Variants in PPP3R1 observed in about 807,000 individuals in gnomAD.
The protein encoded by PPP3R1 is protein phosphatase 3 regulatory subunit B, alpha.
Under a neutral mutation model 22.6 loss-of-function variants are expected in PPP3R1, and 5 were observed. The observed-to-expected ratio is 0.22, with a 90% CI of 0.12 to 0.46. The LOEUF (loss-of-function observed/expected upper bound fraction) is 0.46, where lower values mean the gene tolerates loss of function less well. Ranked by LOEUF, PPP3R1 falls within the 20% of genes least tolerant of loss-of-function variation. The probability of loss-of-function intolerance (pLI) is 0.99; values close to 1 mark genes in which losing one functional copy is unlikely to be tolerated. For missense variants in PPP3R1, 61 were observed against 203.2 expected (o/e 0.30, Z 4.25); for synonymous variants, 56 against 65.2 (o/e 0.86, Z 0.68).
intron 2 of PPP3R1, among the ~76,000 whole-genome samples, chr2:68,201,402 C>T (rs554904278): frequency 1.3e-5 from 2 of 152,202 alleles, no homozygotes; most frequent in Non-Finnish European, 2.9e-5. Flanking sequence ...ACTGCATCCC[C>T]CAGTTTCTTT....
chr2:68,223,059 A>G (rs1669715644), intron 1 of PPP3R1, among the ~76,000 whole-genome samples: 1 of 152,206 alleles, frequency 6.6e-6, no homozygotes, highest in African/African-American at 2.4e-5. Context: ...CATTTTATGA[A>G]GCCAGCACTA....
intron 2 of PPP3R1, among the ~76,000 whole-genome samples, chr2:68,201,749 C>CATTT (rs1219075173): frequency 6.6e-6 from 1 of 152,160 alleles, no homozygotes; most frequent in Non-Finnish European, 1.5e-5. Context: ...TTTGAGTGAT[C>CATTT]ATTTGGCTGT....
intron 2 of PPP3R1, among the ~76,000 whole-genome samples, chr2:68,211,284 G>A (rs1182743803): frequency 6.6e-6 from 1 of 151,444 alleles, no homozygotes; most frequent in Non-Finnish European, 1.5e-5. Context: ...GCGGGCGCCT[G>A]TAGTCCCAGC....
intron 1 of PPP3R1, among the ~76,000 whole-genome samples, chr2:68,240,456 T>C (rs1572977592): frequency 6.6e-6 from 1 of 152,190 alleles, no homozygotes; most frequent in African/African-American, 2.4e-5. Context: ...ACAGACAAGA[T>C]GCCCATTCTC....
intron 1 of PPP3R1, among the ~76,000 whole-genome samples, chr2:68,232,223 A>ATGTGTGTGTG (rs76815812): frequency 2.2e-5 from 1 of 45,758 alleles, no homozygotes; most frequent in Admixed American, 2.1e-4. Flanking sequence ...ATATGTATAT[A>ATGTGTGTGTG]TGTGTGTGTG....
intron 2 of PPP3R1, among the ~76,000 whole-genome samples, chr2:68,208,110 G>A (rs1265926836): frequency 6.6e-6 from 1 of 152,158 alleles, no homozygotes; most frequent in Non-Finnish European, 1.5e-5. Flanking sequence ...CCGAGACCAC[G>A]CCATTGCACT....
intron 5 of PPP3R1, among the ~76,000 whole-genome samples, chr2:68,184,708 G>C (rs1462018270): frequency 2.0e-5 from 3 of 152,110 alleles, no homozygotes; most frequent in African/African-American, 4.8e-5. Flanking sequence ...TCAATGTTTA[G>C]AAAAGTTGGT....
intron 1 of PPP3R1, among the ~76,000 whole-genome samples, chr2:68,240,234 C>T (rs1670093376): frequency 6.6e-6 from 1 of 152,172 alleles, no homozygotes; most frequent in Admixed American, 6.5e-5. Flanking sequence ...ATAAGACAAA[C>T]GACCTGTAAC....
chr2:68,234,619 T>A (rs1669980386), intron 1 of PPP3R1, among the ~76,000 whole-genome samples: 1 of 152,176 alleles, frequency 6.6e-6, no homozygotes, highest in Non-Finnish European at 1.5e-5. Flanking sequence ...GCAGTCACAA[T>A]CGCAGAAACA....
chr2:68,227,131 A>G (rs1669798097), intron 1 of PPP3R1, among the ~76,000 whole-genome samples: 1 of 152,056 alleles, frequency 6.6e-6, no homozygotes, highest in South Asian at 2.1e-4. Context: ...TTATTCTTTC[A>G]AACCTTGTCA....
At chr2:68,203,537 G>A (rs1675031063) in intron 2 of PPP3R1, among the ~76,000 whole-genome samples, 1 of 151,638 alleles carries the variant, frequency 6.6e-6, no homozygotes, top group Admixed American at 6.6e-5. Flanking sequence ...GGAGGCAGAG[G>A]TTGCAGTGTG....
chr2:68,198,435 G>GTA (rs200606871), intron 2 of PPP3R1, among the ~76,000 whole-genome samples: 6,240 of 73,240 alleles, frequency 0.085, 932 homozygotes, highest in African/African-American at 0.23. Flanking sequence ...GTATATATGC[G>GTA]TGTGTATATA....
chr2:68,186,441 CG>C (rs755955703), intron 5 of PPP3R1, 26 bp downstream of exon 5: 3 of 1,560,490 alleles, frequency 1.9e-6, no homozygotes, highest in Admixed American at 1.9e-5. Flanking sequence ...ACATAACTAA[CG>C]GAAGAACCAG....
chr2:68,222,296 G>A (rs964867973), intron 1 of PPP3R1, among the ~76,000 whole-genome samples: 7 of 152,080 alleles, frequency 4.6e-5, no homozygotes, highest in African/African-American at 1.2e-4. Flanking sequence ...GTAAACTCTA[G>A]AACAACTTAA....
At chr2:68,211,390 G>A (rs1176340222) in intron 2 of PPP3R1, among the ~76,000 whole-genome samples, 7 of 121,052 alleles carry the variant, frequency 5.8e-5, no homozygotes, top group African/African-American at 1.9e-4. Context: ...CTGGGCGACT[G>A]AGCGAGACTC....
chr2:68,182,570 C>T (rs1010430337), intron 5 of PPP3R1, among the ~76,000 whole-genome samples: 4 of 151,428 alleles, frequency 2.6e-5, no homozygotes, highest in African/African-American at 9.7e-5. Context: ...AATCCCAGCA[C>T]TTTGGGAGGC....
At chr2:68,214,332 C>CA in intron 2 of PPP3R1, among the ~76,000 whole-genome samples, 2 of 152,194 alleles carry the variant, frequency 1.3e-5, no homozygotes, top group Middle Eastern at 6.8e-3. Flanking sequence ...AAACTATCAA[C>CA]AGAGTAAAAC....
intron 1 of PPP3R1, among the ~76,000 whole-genome samples, chr2:68,250,595 G>T (rs541170250): frequency 6.6e-6 from 1 of 152,176 alleles, no homozygotes; most frequent in African/African-American, 2.4e-5. Flanking sequence ...AAAAGACTAT[G>T]CCAACAAAAA....
chr2:68,232,588 T>C (rs951828932), intron 1 of PPP3R1, among the ~76,000 whole-genome samples: 1 of 151,974 alleles, frequency 6.6e-6, no homozygotes, highest in African/African-American at 2.4e-5. Flanking sequence ...TAATATTCTA[T>C]TACAGTGTTT....
Sources: allele counts gnomAD v4.1 joint callset (sites outside exome capture counted in the v4.1 genomes callset), GRCh38; gene constraint gnomAD v4.1.1; transcripts MANE v1.5; gene names NCBI Gene and HGNC (gene_info 2026-07-23, HGNC 2026-07-21).